The following COL27A1 variants were observed in gnomAD, a reference collection of about 807,000 sequenced individuals.
The protein encoded by COL27A1 is collagen alpha-1(XXVII) chain.
COL27A1 carries 106 observed loss-of-function variants against 251.3 expected under a neutral mutation model. The ratio of observed to expected loss-of-function variants is 0.42; its 90% CI spans 0.36 to 0.50. COL27A1 has a LOEUF of 0.50. Ranked by LOEUF, COL27A1 falls within the 20% of genes least tolerant of loss-of-function variation. COL27A1 has a pLI of 0.00. For missense variants in COL27A1, 2,325 were observed against 2,522.8 expected, an observed-to-expected ratio of 0.92 and a Z score of 1.68; for synonymous variants, 1,000 against 986.3, an observed-to-expected ratio of 1.01 and a Z score of -0.26.
intron 3 of COL27A1, among the ~76,000 whole-genome samples, chr9:114,172,485 A>G (rs1849389045): frequency 6.6e-6 from 1 of 152,156 alleles, no homozygotes; most frequent in African/African-American, 2.4e-5. Context: ...TGGCCTGAAA[A>G]TGTGCGTAAA....
intron 16 of COL27A1, among the ~76,000 whole-genome samples, chr9:114,234,544 C>T (rs566577715): frequency 2.4e-4 from 36 of 152,040 alleles, no homozygotes; most frequent in Admixed American, 3.9e-4. Flanking sequence ...GAGGTGGTTT[C>T]GGCCCTAAGG....
At chr9:114,173,869 A>G (rs1362903708) in intron 3 of COL27A1, among the ~76,000 whole-genome samples, 1 of 152,106 alleles carries the variant, frequency 6.6e-6, no homozygotes, top group Non-Finnish European at 1.5e-5. Context: ...TGTGCTATGA[A>G]AATACTAACC....
chr9:114,221,335 A>G (rs1051532560), intron 13 of COL27A1, among the ~76,000 whole-genome samples: 8 of 152,210 alleles, frequency 5.3e-5, no homozygotes, highest in Non-Finnish European at 7.3e-5. Flanking sequence ...CCCTCAATAC[A>G]GCATTTGTTA....
chr9:114,186,587 GA>G (rs1272179691), intron 5 of COL27A1, among the ~76,000 whole-genome samples: 2 of 152,226 alleles, frequency 1.3e-5, no homozygotes, highest in Non-Finnish European at 2.9e-5. Flanking sequence ...CAGAGGGCAG[GA>G]AGGTTGAACC....
chr9:114,193,877 G>A (rs577475323), intron 5 of COL27A1, among the ~76,000 whole-genome samples: 733 of 152,326 alleles, frequency 4.8e-3, no homozygotes, highest in Non-Finnish European at 7.3e-3. Context: ...TGCACGGGCA[G>A]AGACTGGTCA....
chr9:114,186,556 G>A (rs187531426), intron 5 of COL27A1, among the ~76,000 whole-genome samples: 8 of 152,280 alleles, frequency 5.3e-5, no homozygotes, highest in Admixed American at 2.6e-4. Context: ...GATCTAGTCC[G>A]GGAGGTGAGG....
rs748337525 is a variant in COL27A1, at chr9:114,309,209, G to A, written c.5218-51G>A. 5.4e-6 allele frequency: 8 copies of A among 1,483,060 alleles called. No homozygotes were observed. In the African/African-American group the frequency reaches 5.5e-5, roughly 10 times the overall value. The allele number at this position is 1,483,060 out of a possible 1,614,324, so 91.9% of individuals were successfully genotyped here. A position where few individuals can be genotyped will look rare whatever the true frequency, so the allele number is the denominator to read the frequency against. ...TAGAGAGGCAGGGAACCCTCGGTGT[G>A]GGGGGTGTGGGGGGCAGCCTGAGCC... On this transcript the variant is annotated intron_variant, in intron 59 of 60. Transcript: ENST00000356083.
intron 12 of COL27A1, among the ~76,000 whole-genome samples, chr9:114,218,787 C>T: frequency 6.6e-6 from 1 of 152,162 alleles, no homozygotes; most frequent in African/African-American, 2.4e-5. Flanking sequence ...CCAGTAGAGA[C>T]TTTGGTTTGG....
At chr9:114,221,593 T>C (rs536332718) in intron 13 of COL27A1, among the ~76,000 whole-genome samples, 1 of 152,344 alleles carries the variant, frequency 6.6e-6, no homozygotes, top group South Asian at 2.1e-4. Context: ...ATGTGGGCCA[T>C]GGAAGATCCA....
At chr9:114,233,090 G>A (rs1453418868) in intron 16 of COL27A1, among the ~76,000 whole-genome samples, 1 of 152,162 alleles carries the variant, frequency 6.6e-6, no homozygotes, top group Non-Finnish European at 1.5e-5. Context: ...GCTTGCCTGA[G>A]GCCACGCAGC....
chr9:114,188,918 T>C (rs1828563573), intron 5 of COL27A1, among the ~76,000 whole-genome samples: 1 of 152,238 alleles, frequency 6.6e-6, no homozygotes, highest in Non-Finnish European at 1.5e-5. Flanking sequence ...TTGCCATTTG[T>C]TATTGGTTTG....
rs562452490 is a variant in COL27A1 at position 114,182,528 on chromosome 9, C to A, written c.1963-494C>A. ...CAGATGAGGGAACAGCATGGGCAAA[C>A]GCAACGAGGAGAGAAAGTACCAGAT... is the stretch of plus-strand genomic sequence containing the variant. On this transcript the variant is annotated intron_variant, in intron 4 of 60. Coordinates refer to ENST00000356083, the MANE Select transcript of COL27A1 (RefSeq NM_032888.4). Among the ~76,000 whole-genome samples, 68 of 151,968 alleles carry A rather than the reference C, an allele frequency of 4.5e-4. 1 individual carries two copies. Among genetic ancestry groups the A allele is most frequent in the Admixed American group, 4.5e-3 (68 of 15,262 alleles).
At chr9:114,289,146 A>ACCCCCCCCCC in intron 44 of COL27A1, 96 bp from the exon 45 acceptor site, 2 of 1,126,990 alleles carry the variant, frequency 1.8e-6, no homozygotes, top group Non-Finnish European at 2.6e-6. Context: ...GCACCCCCAA[A>ACCCCCCCCCC]CCCCTCCCCA....
intron 27 of COL27A1, among the ~76,000 whole-genome samples, chr9:114,255,462 T>C (rs1332505810): frequency 1.3e-5 from 2 of 151,978 alleles, no homozygotes; most frequent in Admixed American, 1.3e-4. Flanking sequence ...ATCTGTCTAG[T>C]GGGAGGAGGA....
intron 1 of COL27A1, among the ~76,000 whole-genome samples, chr9:114,160,671 C>A (rs1383151752): frequency 3.6e-3 from 400 of 110,682 alleles, no homozygotes; most frequent in Middle Eastern, 0.016. Context: ...GACTCTGTCT[C>A]AAAAAAAAAA....
Position 114,289,224 on chromosome 9 carries a change from T to C in COL27A1, c.4153-18T>C. ...AGAATCCTGGGGCTGCCTTGCGTCA[T>C]CTCACCTTGGTTTGCAGGGGCATCC... On this transcript the variant is annotated intron_variant, in intron 44 of 60. Coordinates refer to ENST00000356083, the MANE Select transcript of COL27A1 (RefSeq NM_032888.4). 6.6e-7 allele frequency: 1 copy of C among 1,516,416 alleles called. No homozygotes were observed. Among genetic ancestry groups the C allele is most frequent in the Non-Finnish European group, 8.9e-7 (1 of 1,123,550 alleles). The allele number at this position is 1,516,416 out of a possible 1,614,324, so 93.9% of individuals were successfully genotyped here. A position where few individuals can be genotyped will look rare whatever the true frequency, so the allele number is the denominator to read the frequency against.
In COL27A1 at chr9:114,169,051, G is replaced by C. The variant is rs888448809; in HGVS notation, c.1496G>C (p.Arg499Thr). The C allele has an allele frequency of 2.4e-5, 38 of 1,614,016 alleles. No individual in the cohort carries two copies. Among genetic ancestry groups the C allele is most frequent in the Non-Finnish European group, 3.0e-5 (35 of 1,179,950 alleles). Residue 499 changes from arginine to threonine, a missense_variant, in exon 3 of 61, where the codon AGG becomes ACG. Coordinates refer to ENST00000356083, the MANE Select transcript of COL27A1 (RefSeq NM_032888.4). ...CCTGCCCCTACTCCTGGTTCTACCA[G>C]GAGTACTCGGCCACCAGCCACGATG... ...SSPAPTPGST[R>T]STRPPATMVP...
At chr9:114,155,490 C>A, upstream of COL27A1, 1 of 152,270 alleles carries the variant, frequency 6.6e-6, no homozygotes, top group Non-Finnish European at 1.5e-5. The surrounding 1 kb of genome is among the most constrained non-coding windows in gnomAD (Gnocchi z 5.5). Flanking sequence ...GGTGGAGAGC[C>A]ACCGCGGGCC....
Position 114,237,020 on chromosome 9 carries a change from A to G in COL27A1, c.2659A>G (p.Lys887Glu), listed in dbSNP as rs1251021882. The G allele has an allele frequency of 1.2e-6, 2 of 1,609,678 alleles. No individual in the cohort carries two copies. The highest frequency in any genetic ancestry group is 1.7e-6 in the Non-Finnish European group (2 of 1,178,022). The stretch of plus-strand genomic sequence containing the variant: ...GCCAGGGTTCCCCGGTGCACGGGGG[A>G]AGCCAGGGCCTCTGGTAAGTACCTG... ...GLPGFPGARG[K>E]PGPLGKVGDK... The change falls in exon 18 of 61, where the codon AAG (lysine) becomes GAG (glutamate). Residue 887 changes from lysine to glutamate, a missense_variant. By Grantham distance (56) the Lys-to-Glu change is moderately conservative. Transcript: ENST00000356083.
Sources: gnomAD v4.1 joint callset for allele counts (sites outside exome capture counted in the v4.1 genomes callset) on GRCh38, gnomAD v4.1.1 for gene constraint, Gnocchi (gnomAD v3.1) non-coding constraint, MANE v1.5 for transcripts, NCBI Gene and HGNC (gene_info 2026-07-23, HGNC 2026-07-21) for gene names.